NCAM2: variants seen among roughly 807,000 people sequenced by gnomAD.
NCAM2 encodes the protein neural cell adhesion molecule 2, also known as N-CAM-2.
Under a neutral mutation model 98.1 loss-of-function variants are expected in NCAM2, and 30 were observed. That is an observed-to-expected ratio of 0.31 (90% CI 0.23 to 0.41). NCAM2 has a LOEUF of 0.41. Ranked by LOEUF, NCAM2 falls within the 10% of genes least tolerant of loss-of-function variation. The pLI, the probability that NCAM2 is intolerant of heterozygous loss-of-function variation, is 1.00. For synonymous variants in NCAM2, 368 were observed against 342.4 expected (o/e 1.07, Z -0.83); for missense variants, 867 against 1,005.8 (o/e 0.86, Z 1.87).
intron 12 of NCAM2, among the ~76,000 whole-genome samples, chr21:21,439,529 C>T (rs578105348): frequency 6.6e-5 from 10 of 152,160 alleles, no homozygotes; most frequent in Admixed American, 2.0e-4. Flanking sequence ...AAAAGTAGTG[C>T]TTTCTTGTTT....
intron 15 of NCAM2, among the ~76,000 whole-genome samples, chr21:21,486,276 C>T (rs983784952): frequency 1.6e-5 from 2 of 125,538 alleles, no homozygotes; most frequent in Admixed American, 1.9e-4. Context: ...TGCACTCCAG[C>T]CTGGGCAACA....
At chr21:21,419,873 C>A (rs993181400) in intron 11 of NCAM2, among the ~76,000 whole-genome samples, 1 of 151,976 alleles carries the variant, frequency 6.6e-6, no homozygotes, top group Admixed American at 6.6e-5. Flanking sequence ...TGGGTATATA[C>A]CCAGTAATGG....
At chr21:21,165,551 G>T (rs1449956708) in intron 1 of NCAM2, among the ~76,000 whole-genome samples, 1 of 152,120 alleles carries the variant, frequency 6.6e-6, no homozygotes, top group Non-Finnish European at 1.5e-5. Flanking sequence ...ATATTCTAAG[G>T]AATAGGTTGT....
At position 21,131,465 on chromosome 21, in the gene NCAM2, G is replaced by T. The variant is rs539609729; in HGVS notation, c.55+132847G>T. Among the ~76,000 whole-genome samples, 62 of 152,190 alleles carry T rather than the reference G, an allele frequency of 4.1e-4. 1 individual carries two copies. In the South Asian group the frequency reaches 0.013, roughly 31 times the overall value. On this transcript the variant is annotated intron_variant, in intron 1 of 17. Transcript: ENST00000400546. The stretch of plus-strand genomic sequence containing the variant: ...ATTTTGTATTTTTAGTAGAGATGGG[G>T]TTTCTCCTTGTTGGTCAGGCTGGTC...
In NCAM2 at chr21:20,998,457, G is replaced by GAGC. The variant is rs2063957802; in HGVS notation, c.-106_-104dup. ...GCTGCGGGCGGCTGGGGCACCGCGGGAGCGGCGGCGGCGGCTCTAGCAGAG... is the reference window on the plus strand; with the variant it reads ...GCTGCGGGCGGCTGGGGCACCGCGGGAGCAGCGGCGGCGGCGGCTCTAGCAGAG... On this transcript the variant is annotated 5_prime_UTR_variant, in exon 1 of 18. Transcript: ENST00000400546. 3.6e-6 allele frequency: 4 copies of GAGC among 1,107,924 alleles called. No individual in the cohort carries two copies. The highest frequency in any genetic ancestry group is 2.7e-5 in the East Asian group (1 of 37,184). The allele number at this position is 1,107,924 out of a possible 1,614,324, so 68.6% of individuals were successfully genotyped here.
chr21:21,311,903 G>T (rs2074065997), intron 5 of NCAM2, among the ~76,000 whole-genome samples: 1 of 152,046 alleles, frequency 6.6e-6, no homozygotes, highest in Admixed American at 6.6e-5. Context: ...CAATATTTTT[G>T]AAGGTTCCTT....
At chr21:21,502,560 T>C (rs1281118539) in intron 15 of NCAM2, among the ~76,000 whole-genome samples, 2 of 151,940 alleles carry the variant, frequency 1.3e-5, no homozygotes, top group Non-Finnish European at 1.5e-5. Flanking sequence ...ATGTATTTGC[T>C]ATAGACTTAG....
chr21:21,106,737 A>G (rs1302846544), intron 1 of NCAM2, among the ~76,000 whole-genome samples: 1 of 151,974 alleles, frequency 6.6e-6, no homozygotes, highest in Non-Finnish European at 1.5e-5. Context: ...AAAAATCAGG[A>G]CATGTAGGAA....
chr21:21,385,644 C>T (rs2076256266), intron 9 of NCAM2: 1 of 1,287,910 alleles, frequency 7.8e-7, no homozygotes, highest in Non-Finnish European at 1.0e-6. Context: ...TCATTTTCAA[C>T]ATTTCCGAGG....
intron 1 of NCAM2, chr21:21,210,417 T>C (rs952532961): frequency 4.2e-6 from 3 of 716,092 alleles, no homozygotes; most frequent in African/African-American, 2.0e-5. Flanking sequence ...ATTTTCAAAA[T>C]ACTGAGATAT....
chr21:21,506,534 G>A (rs528643304), intron 15 of NCAM2, among the ~76,000 whole-genome samples: 3 of 151,926 alleles, frequency 2.0e-5, no homozygotes, highest in Non-Finnish European at 4.4e-5. Flanking sequence ...CATGCATAGA[G>A]ATATACCTTT....
chr21:21,011,072 T>C (rs894721502), intron 1 of NCAM2, among the ~76,000 whole-genome samples: 1 of 152,116 alleles, frequency 6.6e-6, no homozygotes, highest in Non-Finnish European at 1.5e-5. Context: ...GCAGCCTTGT[T>C]TCCTTAATGA....
intron 11 of NCAM2, among the ~76,000 whole-genome samples, chr21:21,430,403 T>TATATATATA (rs71195328): frequency 1.3e-4 from 19 of 146,648 alleles, no homozygotes; most frequent in East Asian, 2.2e-4. Flanking sequence ...TTTATATATA[T>TATATATATA]TAGCCCATTC....
Position 21,534,550 on chromosome 21 carries a change from A to G in NCAM2, c.2296A>G (p.Lys766Glu). The stretch of plus-strand genomic sequence containing the variant: ...TTATGTTTCTAGGAAAGATGGATCA[A>G]AAGAACCAATAGTGGAGATGAGAAC... ...GKAAYLKDGS[K>E]EPIVEMRTED... Residue 766 changes from lysine (K) to glutamate (E), a missense_variant, in exon 17 of 18, where the codon AAA becomes GAA. Physicochemically the swap from Lys to Glu is moderately conservative, Grantham distance 56. Around this residue, in one of 5 missense-constraint regions of NCAM2, gnomAD observed 125 missense variants for 116.1 expected, o/e 1.08. Transcript: ENST00000400546. The G allele has an allele frequency of 6.3e-7, 1 of 1,595,296 alleles. No homozygotes were observed. Among genetic ancestry groups the G allele is most frequent in the Non-Finnish European group, 8.6e-7 (1 of 1,169,396 alleles).
chr21:21,466,297 C>A (rs961589746), intron 12 of NCAM2, among the ~76,000 whole-genome samples: 2 of 151,930 alleles, frequency 1.3e-5, no homozygotes, highest in African/African-American at 4.8e-5. Flanking sequence ...TCATTAACAT[C>A]ATTCTTGGTT....
rs561301047 is a variant in NCAM2 at position 21,049,373 on chromosome 21, TC to T, written c.55+50756del. 1.5e-3 allele frequency among the ~76,000 whole-genome samples: 236 copies of T among 152,282 alleles called. 1 individual carries two copies. Among genetic ancestry groups the T allele is most frequent in the African/African-American group, 4.7e-3 (195 of 41,546 alleles). On this transcript the variant is annotated intron_variant, in intron 1 of 17. Coordinates refer to ENST00000400546, the MANE Select transcript of NCAM2 (RefSeq NM_004540.5). Reference sequence around the variant, plus strand: ...AATGATCAAATTCTAACATAATTTTTCATGCCCATAAAACACCACTACATTA... The same window carrying T: ...AATGATCAAATTCTAACATAATTTTTATGCCCATAAAACACCACTACATTA...
chr21:21,174,185 A>T (rs942696764), intron 1 of NCAM2, among the ~76,000 whole-genome samples: 3 of 152,104 alleles, frequency 2.0e-5, no homozygotes, highest in Admixed American at 6.6e-5. Context: ...AGCCTCCCCA[A>T]GTGCTGGGAT....
intron 10 of NCAM2, among the ~76,000 whole-genome samples, chr21:21,412,837 G>A (rs972440705): frequency 2.0e-5 from 3 of 151,182 alleles, no homozygotes; most frequent in Non-Finnish European, 4.4e-5. Context: ...GCAACAATGA[G>A]CATTACTAAT....
chr21:21,015,855 C>T (rs942456622), intron 1 of NCAM2, among the ~76,000 whole-genome samples: 1 of 152,054 alleles, frequency 6.6e-6, no homozygotes, highest in Non-Finnish European at 1.5e-5. Flanking sequence ...AGGCGCCTGC[C>T]ACCATGCCTG....
Sources: gnomAD v4.1 joint callset for allele counts (sites outside exome capture counted in the v4.1 genomes callset) on GRCh38, gnomAD v4.1.1 for gene constraint, gnomAD v4.1.1 regional missense constraint, MANE v1.5 for transcripts, NCBI Gene and HGNC (gene_info 2026-07-23, HGNC 2026-07-21) for gene names.